STX18: variants seen among roughly 807,000 people sequenced by gnomAD.
STX18 encodes the protein syntaxin-18.
A neutral mutation model predicts 50.1 loss-of-function variants in STX18; 40 were observed. The observed-to-expected ratio is 0.80, with a 90% CI of 0.62 to 1.04. The LOEUF (loss-of-function observed/expected upper bound fraction) is 1.04, where lower values mean the gene tolerates loss of function less well. Ranked by LOEUF, STX18 falls within the 50% of genes least tolerant of loss-of-function variation. STX18 has a pLI of 0.00. For missense variants in STX18, 410 were observed against 415.8 expected (o/e 0.99, Z 0.12); for synonymous variants, 158 against 151.8 (o/e 1.04, Z -0.30).
rs575322843 is a variant in STX18 at position 4,423,181 on chromosome 4, A to G, written c.831+337T>C. On this transcript the variant is annotated intron_variant, in intron 9 of 10. Coordinates refer to ENST00000306200, the MANE Select transcript of STX18 (RefSeq NM_016930.4). Reference sequence around the variant, plus strand: ...GGAGTCCCTCCCTCCTATAGATGGGAAACTGTAGCTTGTGGGGGCTACCTA... The same window carrying G: ...GGAGTCCCTCCCTCCTATAGATGGGGAACTGTAGCTTGTGGGGGCTACCTA... 6.3e-4 allele frequency among the ~76,000 whole-genome samples: 96 copies of G among 152,318 alleles called. 1 individual carries two copies. The highest frequency in any genetic ancestry group is 2.3e-3 in the African/African-American group (96 of 41,568).
At chr4:4,525,623 C>A (rs561809416) in intron 1 of STX18, among the ~76,000 whole-genome samples, 21 of 152,268 alleles carry the variant, frequency 1.4e-4, no homozygotes, top group African/African-American at 4.6e-4. Context: ...TTACTGGGTA[C>A]AAGAGCCACT....
intron 1 of STX18, among the ~76,000 whole-genome samples, chr4:4,502,533 C>T (rs1729504681): frequency 6.6e-6 from 1 of 151,718 alleles, no homozygotes; most frequent in African/African-American, 2.4e-5. Flanking sequence ...GGTTTGGAGT[C>T]AAATTTTACA....
chr4:4,498,685 T>C lies in STX18; in HGVS notation c.169-26979A>G, dbSNP rs1224547661. On this transcript the variant is annotated intron_variant, in intron 1 of 10. Coordinates refer to ENST00000306200, the MANE Select transcript of STX18 (RefSeq NM_016930.4). ...CTATCAACTAATACAAAATAGGCAG[T>C]CAGGACATTTAAGGAGCATAATAAA... 2.6e-5 allele frequency among the ~76,000 whole-genome samples: 4 copies of C among 152,152 alleles called. No homozygotes were observed. The East Asian group carries it at 7.7e-4, about 29-fold the overall frequency.
intron 2 of STX18, among the ~76,000 whole-genome samples, chr4:4,461,532 G>C (rs1577344080): frequency 6.6e-6 from 1 of 152,148 alleles, no homozygotes; most frequent in Non-Finnish European, 1.5e-5. Context: ...AAGCCTCATA[G>C]GTCTGAAGGC....
intron 2 of STX18, among the ~76,000 whole-genome samples, chr4:4,460,843 G>C (rs1045482623): frequency 3.3e-5 from 5 of 152,108 alleles, no homozygotes. Flanking sequence ...CAGCAAGCTC[G>C]ATCCCCTCTC....
intron 2 of STX18, among the ~76,000 whole-genome samples, chr4:4,469,599 GAAGAA>G (rs1215565268): frequency 6.6e-6 from 1 of 152,052 alleles, no homozygotes; most frequent in Non-Finnish European, 1.5e-5. Flanking sequence ...AAACTAAAGG[GAAGAA>G]AAGAGCCAGA....
intron 9 of STX18, among the ~76,000 whole-genome samples, chr4:4,421,675 G>C (rs1344111651): frequency 6.6e-6 from 1 of 152,214 alleles, no homozygotes; most frequent in African/African-American, 2.4e-5. Flanking sequence ...TATGCCAGGG[G>C]CTTCCCTTCT....
At chr4:4,469,433 G>T (rs1026372513) in intron 2 of STX18, among the ~76,000 whole-genome samples, 12 of 152,156 alleles carry the variant, frequency 7.9e-5, no homozygotes, top group African/African-American at 2.2e-4. Flanking sequence ...AAGCGACAGG[G>T]CCTGTTGGCT....
chr4:4,450,265 A>T (rs547817658), intron 5 of STX18, among the ~76,000 whole-genome samples: 271 of 152,340 alleles, frequency 1.8e-3, no homozygotes, highest in Non-Finnish European at 3.2e-3. Flanking sequence ...ACCCAAGACC[A>T]CAGACAGGGC....
rs551905530 is a variant in STX18, at chr4:4,423,636, T to C, written c.762-49A>G. On this transcript the variant is annotated intron_variant, in intron 8 of 10. Transcript: ENST00000306200. ...TATTAACTATTAGCACTTGGTAATC[T>C]AACAGGACTGTTACACACTTCTAAA... 5.1e-6 allele frequency: 8 copies of C among 1,560,246 alleles called. No homozygotes were observed. In the African/African-American group the frequency reaches 1.1e-4, roughly 21 times the overall value.
intron 7 of STX18, among the ~76,000 whole-genome samples, chr4:4,431,904 T>C (rs1179741520): frequency 1.3e-5 from 2 of 152,202 alleles, no homozygotes; most frequent in African/African-American, 2.4e-5. Context: ...TTGGAATCCC[T>C]GCGGCTGTCT....
At chr4:4,507,195 G>A in intron 1 of STX18, 1 of 588,738 alleles carries the variant, frequency 1.7e-6, no homozygotes, top group South Asian at 1.5e-5. Context: ...ATGCTCAGCA[G>A]CAGCTCTCAG....
intron 2 of STX18, among the ~76,000 whole-genome samples, chr4:4,464,099 C>T (rs1009409110): frequency 2.6e-5 from 4 of 152,106 alleles, no homozygotes; most frequent in African/African-American, 7.2e-5. Flanking sequence ...AGGCAACCAC[C>T]CCTCGTTTTA....
rs1413559597 is a variant in STX18, at chr4:4,541,451, G to A, written c.168+346C>T. Reference sequence around the variant, plus strand: ...GTGCTGCAACAGGAAGCGAAGGACTGTCAGGAGGTTTCCCCTGAGTGCAAG... The same window carrying A: ...GTGCTGCAACAGGAAGCGAAGGACTATCAGGAGGTTTCCCCTGAGTGCAAG... On this transcript the variant is annotated intron_variant, in intron 1 of 10. Transcript: ENST00000306200. Among the ~76,000 whole-genome samples, 3 of 152,204 alleles carry A rather than the reference G, an allele frequency of 2.0e-5. No homozygotes were observed. In the East Asian group the frequency reaches 5.8e-4, roughly 29 times the overall value.
intron 6 of STX18, among the ~76,000 whole-genome samples, chr4:4,436,151 T>C (rs898766290): frequency 2.6e-5 from 4 of 152,208 alleles, no homozygotes; most frequent in Admixed American, 2.6e-4. Flanking sequence ...AGCAACAATG[T>C]AGAGAAAGCT....
intron 1 of STX18, among the ~76,000 whole-genome samples, chr4:4,506,108 A>G (rs1251907891): frequency 6.6e-6 from 1 of 152,240 alleles, no homozygotes; most frequent in Non-Finnish European, 1.5e-5. Context: ...AGTATTATGA[A>G]TGATGCCGCT....
rs1727461053 is a variant in STX18, at chr4:4,463,054, G to A, written c.237-3567C>T. On this transcript the variant is annotated intron_variant, in intron 2 of 10. Transcript: ENST00000306200. ...CAAAGTTGCAGAAGAACACCCGGAT[G>A]CCACTGTGTTGTTCTTTTCACATTG... Among the ~76,000 whole-genome samples the A allele has an allele frequency of 3.9e-5, 6 of 152,206 alleles. No individual in the cohort carries two copies. In the South Asian group the frequency reaches 1.2e-3, roughly 32 times the overall value.
intron 7 of STX18, among the ~76,000 whole-genome samples, chr4:4,427,442 A>G (rs533392805): frequency 6.6e-6 from 1 of 152,374 alleles, no homozygotes; most frequent in South Asian, 2.1e-4. Flanking sequence ...CAGTTACTTA[A>G]GAGGACAGTA....
At chr4:4,429,049 T>A (rs1245460884) in intron 7 of STX18, among the ~76,000 whole-genome samples, 1 of 152,008 alleles carries the variant, frequency 6.6e-6, no homozygotes. Flanking sequence ...AGACCAGCAC[T>A]CTCCCCCACC....
Sources: gnomAD v4.1 joint callset for allele counts (sites outside exome capture counted in the v4.1 genomes callset) on GRCh38, gnomAD v4.1.1 for gene constraint, MANE v1.5 for transcripts, NCBI Gene and HGNC (gene_info 2026-07-23, HGNC 2026-07-21) for gene names.